Variants in SCAPER observed in about 807,000 individuals in gnomAD.
SCAPER encodes the protein S phase cyclin A-associated protein in the endoplasmic reticulum.
A neutral mutation model predicts 182.2 loss-of-function variants in SCAPER; 98 were observed. That is an observed-to-expected ratio of 0.54 (90% CI 0.46 to 0.64). The LOEUF is 0.64. SCAPER is among the 30% of genes least tolerant of loss of function. The pLI is 0.00. For missense variants in SCAPER, 1,432 were observed against 1,690.0 expected (o/e 0.85, Z 2.68); for synonymous variants, 605 against 564.6 (o/e 1.07, Z -1.01).
chr15:76,814,356 A>G (rs2066901633), intron 5 of SCAPER, among the ~76,000 whole-genome samples: 1 of 152,206 alleles, frequency 6.6e-6, no homozygotes, highest in South Asian at 2.1e-4. Flanking sequence ...CTGACTGTAG[A>G]TTACACTACA....
chr15:76,859,601 G>T (rs896406443), intron 3 of SCAPER, among the ~76,000 whole-genome samples: 1 of 152,248 alleles, frequency 6.6e-6, no homozygotes, highest in Non-Finnish European at 1.5e-5. Flanking sequence ...CCTATATGTG[G>T]CAAAGTTTTA....
At chr15:76,466,721 T>G (rs1031504702) in intron 25 of SCAPER, among the ~76,000 whole-genome samples, 4 of 148,512 alleles carry the variant, frequency 2.7e-5, no homozygotes, top group African/African-American at 9.9e-5. Flanking sequence ...TGGAAAACCC[T>G]CACTAATGAG....
intron 4 of SCAPER, among the ~76,000 whole-genome samples, chr15:76,846,930 C>T (rs974882926): frequency 6.6e-6 from 1 of 151,900 alleles, no homozygotes; most frequent in African/African-American, 2.4e-5. Context: ...CTGTTCAAAA[C>T]AGCCAAGATT....
chr15:76,384,881 A>G (rs2043194203), intron 27 of SCAPER, among the ~76,000 whole-genome samples: 1 of 152,238 alleles, frequency 6.6e-6, no homozygotes, highest in Admixed American at 6.5e-5. Context: ...AATCACTTTA[A>G]GCCTAAATGT....
Position 76,737,913 on chromosome 15 carries a change from G to A in SCAPER, c.1867-4529C>T, listed in dbSNP as rs142715453. On this transcript the variant is annotated intron_variant, in intron 15 of 31. Transcript: ENST00000563290. ...AAACTTCACAGAATTGGAAGTAGTCGGGATCTTACTCTGGATTAGGCTTTG... is the reference window on the plus strand; with the variant it reads ...AAACTTCACAGAATTGGAAGTAGTCAGGATCTTACTCTGGATTAGGCTTTG... Among the ~76,000 whole-genome samples, 416 of 152,204 alleles carry A rather than the reference G, an allele frequency of 2.7e-3. 1 individual carries two copies. Among genetic ancestry groups the A allele is most frequent in the Middle Eastern group, 6.8e-3 (2 of 292 alleles).
intron 5 of SCAPER, among the ~76,000 whole-genome samples, chr15:76,812,148 T>G (rs1301648049): frequency 6.6e-6 from 1 of 151,788 alleles, no homozygotes; most frequent in Non-Finnish European, 1.5e-5. Flanking sequence ...ACCCTGTCTC[T>G]ATTAAAAACA....
rs143175689 is a variant in SCAPER at position 76,639,244 on chromosome 15, C to T, written c.2646-17415G>A. On this transcript the variant is annotated intron_variant, in intron 21 of 31. Coordinates refer to ENST00000563290, the MANE Select transcript of SCAPER (RefSeq NM_020843.4). ...GTGTTATTTAATTCTTCTCACTACG[C>T]CATTGTTGATTGGGCTCCTAAAGGT... is the stretch of plus-strand genomic sequence containing the variant. 2.5e-3 allele frequency among the ~76,000 whole-genome samples: 383 copies of T among 152,240 alleles called. 4 individuals carry two copies. Among genetic ancestry groups the T allele is most frequent in the South Asian group, 0.02 (95 of 4,820 alleles).
At chr15:76,786,222 G>A (rs1230263903) in intron 8 of SCAPER, among the ~76,000 whole-genome samples, 1 of 151,336 alleles carries the variant, frequency 6.6e-6, no homozygotes, top group Non-Finnish European at 1.5e-5. Context: ...AGCTACTCGG[G>A]AGGCTGAGGC....
rs909056347 is a variant in SCAPER, at chr15:76,493,171, C to A, written c.2954+11688G>T. Among the ~76,000 whole-genome samples the A allele has an allele frequency of 3.9e-5, 6 of 152,216 alleles. No homozygotes were observed. The South Asian group carries it at 1.2e-3, about 32-fold the overall frequency. On this transcript the variant is annotated intron_variant, in intron 24 of 31. Transcript: ENST00000563290. ...TCACTGTGGGGATATAAATTATATGCATCCTAAACTTGAGTTTGCATCAAG... is the reference window on the plus strand; with the variant it reads ...TCACTGTGGGGATATAAATTATATGAATCCTAAACTTGAGTTTGCATCAAG...
intron 25 of SCAPER, among the ~76,000 whole-genome samples, chr15:76,444,929 T>C (rs2047889881): frequency 6.6e-6 from 1 of 152,196 alleles, no homozygotes; most frequent in African/African-American, 2.4e-5. Flanking sequence ...CTTTTAAAAT[T>C]TTGGATTATT....
At chr15:76,893,107 T>C (rs2074248291) in intron 1 of SCAPER, among the ~76,000 whole-genome samples, 1 of 152,084 alleles carries the variant, frequency 6.6e-6, no homozygotes, top group Admixed American at 6.6e-5. Flanking sequence ...CACTCATCCT[T>C]GGGATGGTAA....
intron 23 of SCAPER, among the ~76,000 whole-genome samples, chr15:76,565,477 A>C (rs925025890): frequency 6.6e-6 from 1 of 152,148 alleles, no homozygotes; most frequent in African/African-American, 2.4e-5. Context: ...CCACAATAAG[A>C]TATCATCTCA....
chr15:76,745,196 T>C (rs898380392), intron 15 of SCAPER, among the ~76,000 whole-genome samples: 19 of 151,996 alleles, frequency 1.3e-4, no homozygotes, highest in Admixed American at 2.6e-4. Context: ...TCCCAGCACT[T>C]TGGGAGTCCG....
intron 14 of SCAPER, among the ~76,000 whole-genome samples, chr15:76,759,923 C>T (rs868310201): frequency 6.6e-6 from 1 of 152,022 alleles, no homozygotes; most frequent in Non-Finnish European, 1.5e-5. Context: ...GTAGTTTTCC[C>T]CTTTCTTGTG....
At chr15:76,502,681 C>G (rs1567289777) in intron 24 of SCAPER, among the ~76,000 whole-genome samples, 1 of 152,068 alleles carries the variant, frequency 6.6e-6, no homozygotes, top group Non-Finnish European at 1.5e-5. Flanking sequence ...TGTAACAAAC[C>G]TGCACGTTGT....
At chr15:76,767,162 A>T in intron 10 of SCAPER, 74 bp from the exon 11 acceptor site, 1 of 1,318,480 alleles carries the variant, frequency 7.6e-7, no homozygotes, top group Non-Finnish European at 1.0e-6. Context: ...TTTATGTTCT[A>T]ACATGAACTC....
At chr15:76,581,563 A>G (rs894415569) in intron 22 of SCAPER, among the ~76,000 whole-genome samples, 1 of 152,178 alleles carries the variant, frequency 6.6e-6, no homozygotes, top group African/African-American at 2.4e-5. Flanking sequence ...AAAACGATAT[A>G]ATCATTTCAA....
At chr15:76,695,992 A>C (rs2147189094) in intron 20 of SCAPER, among the ~76,000 whole-genome samples, 1 of 152,340 alleles carries the variant, frequency 6.6e-6, no homozygotes, top group South Asian at 2.1e-4. Context: ...AAAAACCAGA[A>C]GATTTATTTT....
At chr15:76,810,323 A>G (rs1244404240) in intron 5 of SCAPER, among the ~76,000 whole-genome samples, 1 of 152,060 alleles carries the variant, frequency 6.6e-6, no homozygotes, top group African/African-American at 2.4e-5. Flanking sequence ...CACAATATAA[A>G]TAATTATAAA....
Sources: allele counts gnomAD v4.1 joint callset (sites outside exome capture counted in the v4.1 genomes callset), GRCh38; gene constraint gnomAD v4.1.1; transcripts MANE v1.5; gene names NCBI Gene and HGNC (gene_info 2026-07-23, HGNC 2026-07-21).